The following PPP1R13B variants were observed in gnomAD, a reference collection of about 807,000 sequenced individuals.
The protein encoded by PPP1R13B is protein phosphatase 1 regulatory subunit 13B.
In PPP1R13B, 44 loss-of-function variants were observed where a neutral mutation model predicts 119.8. The ratio of observed to expected loss-of-function variants is 0.37; its 90% CI spans 0.29 to 0.47. PPP1R13B has a LOEUF of 0.47. Among genes scored for constraint, PPP1R13B ranks in the 20% least tolerant of loss-of-function variants. PPP1R13B has a pLI of 0.99. For synonymous variants in PPP1R13B, 542 were observed against 561.5 expected (o/e 0.97, Z 0.49); for missense variants, 1,227 against 1,413.5 (o/e 0.87, Z 2.12).
intron 4 of PPP1R13B, among the ~76,000 whole-genome samples, chr14:103,760,299 T>A (rs1283516548): frequency 2.0e-5 from 3 of 152,362 alleles, no homozygotes; most frequent in African/African-American, 4.8e-5. Flanking sequence ...CTTACAATTT[T>A]AAATTTTTTA....
intron 4 of PPP1R13B, among the ~76,000 whole-genome samples, chr14:103,773,523 T>C (rs2085117317): frequency 6.6e-6 from 1 of 152,114 alleles, no homozygotes; most frequent in South Asian, 2.1e-4. Context: ...TTACATCAAA[T>C]AATATAAAAC....
chr14:103,808,807 A>T (rs749907317), intron 1 of PPP1R13B, among the ~76,000 whole-genome samples: 1 of 152,342 alleles, frequency 6.6e-6, no homozygotes, highest in African/African-American at 2.4e-5. Context: ...AATAAATAAG[A>T]CTGTAGAAGT....
chr14:103,773,858 T>G (rs2085123860), intron 4 of PPP1R13B, among the ~76,000 whole-genome samples: 1 of 152,232 alleles, frequency 6.6e-6, no homozygotes, highest in Non-Finnish European at 1.5e-5. Flanking sequence ...GGCATAAGTC[T>G]AAAAGTTTTT....
chr14:103,782,869 T>C (rs2085368146), intron 3 of PPP1R13B, among the ~76,000 whole-genome samples: 1 of 152,022 alleles, frequency 6.6e-6, no homozygotes, highest in Non-Finnish European at 1.5e-5. Context: ...AATGGCGCGA[T>C]CTCGGGCTCA....
At chr14:103,827,314 C>T (rs1451922717) in intron 1 of PPP1R13B, among the ~76,000 whole-genome samples, 3 of 151,872 alleles carry the variant, frequency 2.0e-5, no homozygotes, top group Non-Finnish European at 4.4e-5. Flanking sequence ...CCAACCCAAG[C>T]GACAGAGCGA....
rs2085415937 is a variant in PPP1R13B at position 103,784,710 on chromosome 14, T to A, written c.277+85A>T. The A allele has an allele frequency of 3.0e-6, 4 of 1,342,324 alleles. No homozygotes were observed. In the East Asian group the frequency reaches 1.1e-4, roughly 36 times the overall value. 83.2% of individuals were successfully genotyped at this position (1,342,324 alleles called of 1,614,324 possible). On this transcript the variant is annotated intron_variant, in intron 3 of 16. Coordinates refer to ENST00000202556, the MANE Select transcript of PPP1R13B (RefSeq NM_015316.3). ...TTGTAAGTGCAGGGCCGGGTGTGTG[T>A]GAATAATTTAATATTTATTCCTATT...
intron 3 of PPP1R13B, among the ~76,000 whole-genome samples, chr14:103,779,492 T>C (rs1204968844): frequency 1.3e-5 from 2 of 151,872 alleles, no homozygotes; most frequent in African/African-American, 4.8e-5. Flanking sequence ...CTGGGCGAGG[T>C]GGCTCATGTC....
rs750827532 is a variant in PPP1R13B at position 103,739,819 on chromosome 14, C to A, written c.2592+5G>T. 4 of 1,597,970 alleles carry A rather than the reference C, an allele frequency of 2.5e-6. No homozygotes were observed. In the Admixed American group the frequency reaches 5.1e-5, roughly 20 times the overall value. On this transcript the variant is annotated splice_donor_5th_base_variant and intron_variant, in intron 12 of 16. Transcript: ENST00000202556. ...GCCAGGCTTTGGTCTAGCAATGACA[C>A]CCACCGTGGAGGTGGCAGGAGGGTG... is the stretch of plus-strand genomic sequence containing the variant.
chr14:103,777,100 C>G (rs1169613354), intron 4 of PPP1R13B, among the ~76,000 whole-genome samples: 1 of 151,800 alleles, frequency 6.6e-6, no homozygotes, highest in African/African-American at 2.4e-5. Context: ...TCATGTGATT[C>G]TCCTGTCTCA....
intron 2 of PPP1R13B, among the ~76,000 whole-genome samples, chr14:103,788,342 T>C (rs2085521849): frequency 6.6e-6 from 1 of 152,184 alleles, no homozygotes; most frequent in East Asian, 1.9e-4. Flanking sequence ...TCCATCTGTG[T>C]TGAACATTCC....
chr14:103,831,935 C>CA (rs561250188), intron 1 of PPP1R13B, among the ~76,000 whole-genome samples: 20 of 148,378 alleles, frequency 1.3e-4, no homozygotes, highest in Admixed American at 2.0e-4. Context: ...GAATCCATCA[C>CA]AAAAAAAAAC....
At chr14:103,746,763 C>G in intron 8 of PPP1R13B, 1 of 460,314 alleles carries the variant, frequency 2.2e-6, no homozygotes, top group Middle Eastern at 5.8e-4. Context: ...CAACACCCAC[C>G]CATCTGGAGC....
intron 1 of PPP1R13B, among the ~76,000 whole-genome samples, chr14:103,823,884 C>T (rs1370373892): frequency 6.6e-6 from 1 of 151,822 alleles, no homozygotes; most frequent in Non-Finnish European, 1.5e-5. Flanking sequence ...CCTAATGACC[C>T]ACACTTTAAA....
intron 2 of PPP1R13B, chr14:103,794,665 TAA>T (rs557361588): frequency 3.8e-3 from 1,479 of 388,014 alleles, no homozygotes; most frequent in South Asian, 5.3e-3. Context: ...CTCTGAAACC[TAA>T]AAAAAAAAAA....
chr14:103,848,433 C>T (rs1461112549), upstream of PPP1R13B: 2 of 985,362 alleles, frequency 2.0e-6, no homozygotes, highest in East Asian at 1.1e-4. Flanking sequence ...CCTGAGCAGA[C>T]CCTCAGTAAA....
intron 3 of PPP1R13B, among the ~76,000 whole-genome samples, chr14:103,783,968 T>C (rs2085392664): frequency 6.6e-6 from 1 of 152,222 alleles, no homozygotes; most frequent in Non-Finnish European, 1.5e-5. Context: ...AGTATTTTCA[T>C]GGTTTTATAT....
intron 9 of PPP1R13B, 135 bp downstream of exon 9, chr14:103,746,238 C>T (rs1197304993): frequency 1.4e-5 from 13 of 939,568 alleles, no homozygotes; most frequent in African/African-American, 3.3e-5. Context: ...AAGCGCCTCA[C>T]GGGGAGACTG....
At chr14:103,817,597 A>T (rs1345241242) in intron 1 of PPP1R13B, among the ~76,000 whole-genome samples, 2 of 152,134 alleles carry the variant, frequency 1.3e-5, no homozygotes, top group Admixed American at 1.3e-4. Flanking sequence ...TAGTATTGAC[A>T]TTTTAGATAA....
At chr14:103,843,790 T>C (rs1393554989) in intron 1 of PPP1R13B, among the ~76,000 whole-genome samples, 1 of 151,326 alleles carries the variant, frequency 6.6e-6, no homozygotes, top group East Asian at 2.0e-4. Flanking sequence ...CCATCTCTAC[T>C]AAAAATACAA....
Sources: allele counts gnomAD v4.1 joint callset (sites outside exome capture counted in the v4.1 genomes callset), GRCh38; gene constraint gnomAD v4.1.1; transcripts MANE v1.5; gene names NCBI Gene and HGNC (gene_info 2026-07-23, HGNC 2026-07-21).